The following RRAGD variants were observed in gnomAD, a reference collection of about 807,000 sequenced individuals.
RRAGD encodes the protein ras-related GTP-binding protein D.
In RRAGD, 12 loss-of-function variants were observed where a neutral mutation model predicts 35.5. That is an observed-to-expected ratio of 0.34 (90% CI 0.22 to 0.55). The LOEUF (loss-of-function observed/expected upper bound fraction) is 0.55, where lower values mean the gene tolerates loss of function less well. Ranked by LOEUF, RRAGD falls within the 20% of genes least tolerant of loss-of-function variation. The pLI is 0.91. For synonymous variants in RRAGD, 155 were observed against 178.9 expected, an observed-to-expected ratio of 0.87 and a Z score of 1.07; for missense variants, 324 against 490.1, an observed-to-expected ratio of 0.66 and a Z score of 3.20.
At chr6:89,384,739 C>T (rs1769110084) in intron 2 of RRAGD, among the ~76,000 whole-genome samples, 1 of 150,434 alleles carries the variant, frequency 6.6e-6, no homozygotes, top group South Asian at 2.1e-4. Context: ...GGCGTGAACC[C>T]AGGAGGTGGA....
At position 89,411,561 on chromosome 6, in the gene RRAGD, G is replaced by A. The variant is rs372332908; in HGVS notation, c.148+285C>T. ...TGGGGTGAGGGGCGCGGGAGGCACC[G>A]GCTCTGAAAGGGGCAGAAGCGCGCG... On this transcript the variant is annotated intron_variant, in intron 1 of 6. Transcript: ENST00000369415. The surrounding 1 kb of genome is among the most constrained non-coding windows in gnomAD (Gnocchi z 5.6). The A allele has an allele frequency of 5.5e-5, 23 of 419,754 alleles. No homozygotes were observed. In the East Asian group the frequency reaches 6.6e-4, roughly 12 times the overall value. The allele number at this position is 419,754 out of a possible 1,614,324, so 26.0% of individuals were successfully genotyped here. A position where few individuals can be genotyped will look rare whatever the true frequency, so the allele number is the denominator to read the frequency against.
intron 1 of RRAGD, among the ~76,000 whole-genome samples, chr6:89,404,302 A>G (rs1377966971): frequency 6.6e-6 from 1 of 152,172 alleles, no homozygotes; most frequent in African/African-American, 2.4e-5. Context: ...CAAACACTCA[A>G]TAGATGTTTG....
At chr6:89,395,817 C>A (rs1769321637) in intron 1 of RRAGD, among the ~76,000 whole-genome samples, 1 of 152,006 alleles carries the variant, frequency 6.6e-6, no homozygotes, top group Non-Finnish European at 1.5e-5. Context: ...TAAAGACAGA[C>A]AAATAGACAA....
intron 1 of RRAGD, among the ~76,000 whole-genome samples, chr6:89,389,732 A>G (rs1320426991): frequency 6.6e-6 from 1 of 152,158 alleles, no homozygotes; most frequent in East Asian, 1.9e-4. Context: ...ATTTCACAGG[A>G]GTAAAGGAAG....
chr6:89,392,153 G>A (rs546457423), intron 1 of RRAGD, among the ~76,000 whole-genome samples: 1 of 151,866 alleles, frequency 6.6e-6, no homozygotes. Flanking sequence ...CTCAAAGAAG[G>A]ATCAAGAAAA....
At chr6:89,399,176 G>A (rs191325027) in intron 1 of RRAGD, among the ~76,000 whole-genome samples, 2 of 152,324 alleles carry the variant, frequency 1.3e-5, no homozygotes, top group East Asian at 3.9e-4. Context: ...ATGACCTGTA[G>A]AAGTTGAATC....
intron 6 of RRAGD, among the ~76,000 whole-genome samples, chr6:89,371,517 A>T (rs1172371019): frequency 2.0e-5 from 3 of 152,126 alleles, no homozygotes; most frequent in African/African-American, 7.2e-5. Flanking sequence ...GAGAAAGAAA[A>T]TCCCAGAAAT....
intron 5 of RRAGD, among the ~76,000 whole-genome samples, chr6:89,377,082 T>C (rs2127886454): frequency 6.6e-6 from 1 of 152,370 alleles, no homozygotes; most frequent in South Asian, 2.1e-4. Context: ...TAATTTCTTC[T>C]CTGTAGCTCA....
chr6:89,376,953 C>T (rs953408656), intron 5 of RRAGD, among the ~76,000 whole-genome samples: 3 of 152,204 alleles, frequency 2.0e-5, no homozygotes, highest in African/African-American at 7.2e-5. Context: ...ACTCCTAAGA[C>T]AGCAAAATCA....
At chr6:89,397,343 TA>T (rs1318771952) in intron 1 of RRAGD, among the ~76,000 whole-genome samples, 1 of 152,184 alleles carries the variant, frequency 6.6e-6, no homozygotes, top group Non-Finnish European at 1.5e-5. Flanking sequence ...AAGTTGAACA[TA>T]CACACCTGTC....
intron 1 of RRAGD, among the ~76,000 whole-genome samples, chr6:89,390,180 G>GA (rs143932434): frequency 0.037 from 5,547 of 148,590 alleles, 348 homozygotes; most frequent in African/African-American, 0.13. Context: ...ACAAGCAACA[G>GA]AAAAAAAAAC....
chr6:89,394,273 T>C (rs545153765), intron 1 of RRAGD, among the ~76,000 whole-genome samples: 1 of 151,210 alleles, frequency 6.6e-6, no homozygotes, highest in East Asian at 1.9e-4. Flanking sequence ...ATCAAGGATA[T>C]CTATAGGAAC....
At chr6:89,399,674 G>A (rs990137566) in intron 1 of RRAGD, among the ~76,000 whole-genome samples, 1 of 151,968 alleles carries the variant, frequency 6.6e-6, no homozygotes, top group African/African-American at 2.4e-5. Flanking sequence ...CAGCTACTCA[G>A]GAGGCTGAGA....
At chr6:89,405,145 T>C (rs1769552088) in intron 1 of RRAGD, among the ~76,000 whole-genome samples, 1 of 151,610 alleles carries the variant, frequency 6.6e-6, no homozygotes, top group African/African-American at 2.4e-5. Flanking sequence ...GGTCAGGAGA[T>C]CGAGATCATC....
chr6:89,377,044 TAATA>T (rs1359805664), intron 5 of RRAGD, among the ~76,000 whole-genome samples: 2 of 152,250 alleles, frequency 1.3e-5, no homozygotes, highest in South Asian at 2.1e-4. Flanking sequence ...CACTTCCATT[TAATA>T]AATAGTAAAT....
intron 6 of RRAGD, among the ~76,000 whole-genome samples, chr6:89,369,886 C>T (rs767961338): frequency 1.3e-5 from 2 of 152,136 alleles, no homozygotes; most frequent in Non-Finnish European, 2.9e-5. Context: ...AATACATGAA[C>T]AGAGACATAA....
chr6:89,411,461 C>A lies in RRAGD; in HGVS notation c.148+385G>T, dbSNP rs1047416057. 5.3e-6 allele frequency: 1 copy of A among 188,464 alleles called. No homozygotes were observed. The highest frequency in any genetic ancestry group is 2.3e-5 in the African/African-American group (1 of 42,744). The allele number at this position is 188,464 out of a possible 1,614,324, so 11.7% of individuals were successfully genotyped here. ...ACATCTGACCCTGGCTTCAACAGCA[C>A]CGTTCTGGGAGAGAGGTCCCAGGGC... On this transcript the variant is annotated intron_variant, in intron 1 of 6. Coordinates refer to ENST00000369415, the MANE Select transcript of RRAGD (RefSeq NM_021244.5). This position sits in a 1 kb window ranked among gnomAD's most constrained non-coding sequence, Gnocchi z 5.6.
intron 1 of RRAGD, among the ~76,000 whole-genome samples, chr6:89,399,691 GA>G (rs1769415490): frequency 6.6e-6 from 1 of 151,882 alleles, no homozygotes; most frequent in South Asian, 2.1e-4. Flanking sequence ...GAGATAGGAG[GA>G]TCACCTGAGC....
At chr6:89,377,858 CAGA>C in intron 4 of RRAGD, 45 bp from the exon 5 acceptor site, 1 of 1,480,188 alleles carries the variant, frequency 6.8e-7, no homozygotes, top group Non-Finnish European at 9.2e-7. Context: ...CAGTCAACTT[CAGA>C]CCATGTCATG....
Sources: gnomAD v4.1 joint callset for allele counts (sites outside exome capture counted in the v4.1 genomes callset) on GRCh38, gnomAD v4.1.1 for gene constraint, Gnocchi (gnomAD v3.1) non-coding constraint, MANE v1.5 for transcripts, NCBI Gene and HGNC (gene_info 2026-07-23, HGNC 2026-07-21) for gene names.